Variants in CALN1 observed in about 807,000 individuals in gnomAD.
The protein encoded by CALN1 is calcium-binding protein 8.
A neutral mutation model predicts 30.6 loss-of-function variants in CALN1; 17 were observed. That is an observed-to-expected ratio of 0.56 (90% CI 0.38 to 0.83). The LOEUF (loss-of-function observed/expected upper bound fraction) is 0.83, where lower values mean the gene tolerates loss of function less well. Among genes scored for constraint, CALN1 ranks in the 40% least tolerant of loss-of-function variants. The pLI is 0.00. For missense variants in CALN1, 291 were observed against 354.9 expected (o/e 0.82, Z 1.45); for synonymous variants, 156 against 131.4 (o/e 1.19, Z -1.28).
intron 5 of CALN1, among the ~76,000 whole-genome samples, chr7:71,849,137 T>C (rs952334970): frequency 9.2e-5 from 14 of 152,220 alleles, no homozygotes; most frequent in Non-Finnish European, 1.9e-4. Flanking sequence ...TTTAGAATTC[T>C]TATGTGTGTT....
At chr7:72,443,428 G>A (rs1334556730) in intron 1 of CALN1, among the ~76,000 whole-genome samples, 7 of 152,056 alleles carry the variant, frequency 4.6e-5, no homozygotes, top group African/African-American at 1.2e-4. Flanking sequence ...CACGCACCCC[G>A]GGTCCCTTAG....
In CALN1 at chr7:72,209,562, CCTCT is replaced by C. The variant is rs899029677; in HGVS notation, c.244+69120_244+69123del. On this transcript the variant is annotated intron_variant, in intron 3 of 6. Coordinates refer to ENST00000395275, the MANE Select transcript of CALN1 (RefSeq NM_031468.4). ...TCCGCCCTCCGTTCCTCCCTCTCTC[CCTCT>C]CTTTCTCTTTGCAAACAATCAATGG... 2.7e-5 allele frequency among the ~76,000 whole-genome samples: 4 copies of C among 147,466 alleles called. No homozygotes were observed. In the South Asian group the frequency reaches 6.4e-4, roughly 24 times the overall value.
At chr7:72,417,100 G>A (rs920034024), upstream of CALN1, among the ~76,000 whole-genome samples, 1 of 152,240 alleles carries the variant, frequency 6.6e-6, no homozygotes, top group African/African-American at 2.4e-5. Context: ...TGCTCAGTGA[G>A]TACAGGCGGA....
intron 2 of CALN1, among the ~76,000 whole-genome samples, chr7:72,356,710 C>T (rs575120163): frequency 5.9e-5 from 9 of 151,942 alleles, no homozygotes; most frequent in Non-Finnish European, 8.8e-5. Flanking sequence ...TTAGCTCAAT[C>T]TGATTGACAT....
chr7:72,307,389 T>C (rs1478816229), intron 2 of CALN1, among the ~76,000 whole-genome samples: 1 of 152,186 alleles, frequency 6.6e-6, no homozygotes. Context: ...TTCTTCTCAT[T>C]CTGCCATAAA....
chr7:71,913,432 A>T (rs1334568584), intron 5 of CALN1, among the ~76,000 whole-genome samples: 2 of 152,202 alleles, frequency 1.3e-5, no homozygotes, highest in South Asian at 2.1e-4. Flanking sequence ...GAGGAGATGA[A>T]CAGTGCTCAT....
chr7:71,905,377 G>A (rs1386691141), intron 5 of CALN1, among the ~76,000 whole-genome samples: 1 of 139,818 alleles, frequency 7.2e-6, no homozygotes, highest in Non-Finnish European at 1.6e-5. Flanking sequence ...TGTACCTAAT[G>A]TGTAGTTTTT....
Position 71,782,380 on chromosome 7 carries a change from C to T in CALN1, c.*5395G>A, listed in dbSNP as rs1792763928. 6.6e-6 allele frequency: 1 copy of T among 152,204 alleles called. No homozygotes were observed. Among genetic ancestry groups the T allele is most frequent in the Admixed American group, 6.5e-5 (1 of 15,284 alleles). The allele number at this position is 152,204 out of a possible 1,614,324, so 9.4% of individuals were successfully genotyped here. A position where few individuals can be genotyped will look rare whatever the true frequency, so the allele number is the denominator to read the frequency against. On this transcript the variant is annotated 3_prime_UTR_variant, in exon 7 of 7. Transcript: ENST00000395275. ...GACGTGCCTGCTCCCCCTTCACCTT[C>T]CACCATGGGTCAAAGCTTTCTGAGG... is the stretch of plus-strand genomic sequence containing the variant.
intron 3 of CALN1, among the ~76,000 whole-genome samples, chr7:72,199,990 C>G (rs528330315): frequency 6.6e-6 from 1 of 152,320 alleles, no homozygotes; most frequent in South Asian, 2.1e-4. Flanking sequence ...GCAGAATTCT[C>G]AAGCGACCTC....
chr7:71,946,873 G>A (rs1487694659), intron 5 of CALN1, among the ~76,000 whole-genome samples: 16 of 150,288 alleles, frequency 1.1e-4, no homozygotes, highest in Admixed American at 1.1e-3. Context: ...GAAACTTTAG[G>A]TGAGTTGCTG....
intron 4 of CALN1, among the ~76,000 whole-genome samples, chr7:72,091,802 T>C (rs560183194): frequency 6.6e-6 from 1 of 152,296 alleles, no homozygotes; most frequent in Admixed American, 6.5e-5. Context: ...GGTCTAGTCT[T>C]GCCAAATTCT....
intron 6 of CALN1, among the ~76,000 whole-genome samples, chr7:71,788,487 T>G (rs1051212686): frequency 2.2e-5 from 3 of 139,170 alleles, no homozygotes; most frequent in African/African-American, 8.5e-5. Context: ...GGTTTTTTTT[T>G]GTTGTTTTTT....
At chr7:71,985,860 G>C (rs1330446534) in intron 5 of CALN1, among the ~76,000 whole-genome samples, 1 of 151,854 alleles carries the variant, frequency 6.6e-6, no homozygotes, top group Non-Finnish European at 1.5e-5. Context: ...AAAGTGCTGG[G>C]ATTACAGGTG....
At chr7:71,837,144 A>G (rs1789660625) in intron 5 of CALN1, among the ~76,000 whole-genome samples, 1 of 149,754 alleles carries the variant, frequency 6.7e-6, no homozygotes, top group African/African-American at 2.4e-5. Flanking sequence ...AGGCACGAGA[A>G]TCACTTGAAT....
chr7:72,208,180 A>G (rs1792032981), intron 3 of CALN1, among the ~76,000 whole-genome samples: 1 of 152,220 alleles, frequency 6.6e-6, no homozygotes, highest in Non-Finnish European at 1.5e-5. Flanking sequence ...AATATTGAGG[A>G]AAATCCTGAT....
the CALN1 span, among the ~76,000 whole-genome samples, chr7:72,484,902 T>C: frequency 4.6e-5 from 7 of 152,284 alleles, no homozygotes; most frequent in East Asian, 1.4e-3. Context: ...TTTTTATGTA[T>C]TTTGTCTTTT....
At chr7:72,354,798 C>T (rs1333533987) in intron 2 of CALN1, among the ~76,000 whole-genome samples, 2 of 151,858 alleles carry the variant, frequency 1.3e-5, no homozygotes, top group Non-Finnish European at 2.9e-5. Flanking sequence ...AGATTAACTC[C>T]GAATGGATCG....
intron 3 of CALN1, among the ~76,000 whole-genome samples, chr7:72,157,560 T>C (rs1357849768): frequency 6.6e-6 from 1 of 151,826 alleles, no homozygotes; most frequent in Non-Finnish European, 1.5e-5. Flanking sequence ...CAAAAAGACT[T>C]TTAGGAAGAC....
the CALN1 span, among the ~76,000 whole-genome samples, chr7:72,478,363 T>C: frequency 9.9e-3 from 1,459 of 147,404 alleles, 23 homozygotes; most frequent in African/African-American, 0.034. Flanking sequence ...AAATGTAATA[T>C]ATAAATAAAT....
Sources: gnomAD v4.1 joint callset for allele counts (sites outside exome capture counted in the v4.1 genomes callset) on GRCh38, gnomAD v4.1.1 for gene constraint, MANE v1.5 for transcripts, NCBI Gene and HGNC (gene_info 2026-07-23, HGNC 2026-07-21) for gene names.